The following ZNF385B variants were observed in gnomAD, a reference collection of about 807,000 sequenced individuals.
ZNF385B encodes zinc finger protein 385B.
A neutral mutation model predicts 39.2 loss-of-function variants in ZNF385B; 23 were observed. The observed-to-expected ratio is 0.59, with a 90% CI of 0.42 to 0.83. ZNF385B has a LOEUF of 0.83. Ranked by LOEUF, ZNF385B falls within the 40% of genes least tolerant of loss-of-function variation. The probability of loss-of-function intolerance (pLI) is 0.00; values close to 1 mark genes in which losing one functional copy is unlikely to be tolerated. For synonymous variants in ZNF385B, 205 were observed against 222.6 expected, an observed-to-expected ratio of 0.92 and a Z score of 0.70; for missense variants, 552 against 598.9, an observed-to-expected ratio of 0.92 and a Z score of 0.82.
intron 3 of ZNF385B, among the ~76,000 whole-genome samples, chr2:179,721,014 C>T (rs1700666463): frequency 1.3e-5 from 2 of 150,556 alleles, no homozygotes; most frequent in African/African-American, 2.4e-5. Context: ...AGTGATCCCC[C>T]CACTTCAGCC....
At chr2:179,748,274 C>A (rs559988188) in intron 3 of ZNF385B, among the ~76,000 whole-genome samples, 91 of 149,988 alleles carry the variant, frequency 6.1e-4, no homozygotes, top group African/African-American at 1.8e-3. Flanking sequence ...ATGACTGAAT[C>A]AAAAAAAAAT....
intron 3 of ZNF385B, among the ~76,000 whole-genome samples, chr2:179,755,719 T>A (rs916592487): frequency 6.6e-6 from 1 of 152,194 alleles, no homozygotes; most frequent in African/African-American, 2.4e-5. Context: ...TCTTTGTTGG[T>A]TTAAAGTCTG....
intron 1 of ZNF385B, among the ~76,000 whole-genome samples, chr2:179,829,544 T>C (rs973088776): frequency 3.3e-5 from 5 of 152,032 alleles, no homozygotes; most frequent in South Asian, 2.1e-4. Context: ...GACAGGGTCT[T>C]GCTCTGTCGC....
At chr2:179,642,424 C>T (rs556775574) in intron 3 of ZNF385B, among the ~76,000 whole-genome samples, 1 of 152,250 alleles carries the variant, frequency 6.6e-6, no homozygotes, top group Non-Finnish European at 1.5e-5. Flanking sequence ...ACTCCTTCAT[C>T]CATGTCCTCT....
intron 3 of ZNF385B, among the ~76,000 whole-genome samples, chr2:179,753,136 T>C (rs1702784464): frequency 1.3e-5 from 2 of 152,254 alleles, no homozygotes; most frequent in Non-Finnish European, 1.5e-5. Context: ...GGATCTAGTT[T>C]CAGCTTTCTA....
chr2:179,703,560 A>T (rs770038077), intron 3 of ZNF385B, among the ~76,000 whole-genome samples: 3 of 152,202 alleles, frequency 2.0e-5, no homozygotes, highest in African/African-American at 7.2e-5. Flanking sequence ...TCTGGCATAT[A>T]GTAGGTGCTC....
chr2:179,631,046 G>A (rs960950635), intron 3 of ZNF385B, among the ~76,000 whole-genome samples: 3 of 152,176 alleles, frequency 2.0e-5, no homozygotes, highest in African/African-American at 7.2e-5. Context: ...ACGTTTGATT[G>A]GTGTACCTAA....
intron 3 of ZNF385B, among the ~76,000 whole-genome samples, chr2:179,561,752 C>T (rs189869016): frequency 1.3e-5 from 2 of 152,170 alleles, no homozygotes; most frequent in African/African-American, 4.8e-5. Flanking sequence ...ACTCTTATAA[C>T]AGACAATACT....
intron 4 of ZNF385B, among the ~76,000 whole-genome samples, chr2:179,535,545 C>T (rs2059508396): frequency 6.6e-6 from 1 of 152,018 alleles, no homozygotes; most frequent in African/African-American, 2.4e-5. Context: ...GCAAAAAGGG[C>T]ACAACAATGA....
intron 6 of ZNF385B, among the ~76,000 whole-genome samples, chr2:179,451,901 T>C (rs1004466748): frequency 1.3e-5 from 2 of 152,146 alleles, no homozygotes; most frequent in African/African-American, 4.8e-5. Context: ...TTTGAAAGTT[T>C]AATTAATGTA....
At chr2:179,734,623 CTTA>C (rs763750834) in intron 3 of ZNF385B, among the ~76,000 whole-genome samples, 7 of 152,136 alleles carry the variant, frequency 4.6e-5, no homozygotes, top group Non-Finnish European at 1.0e-4. Flanking sequence ...AAGTCTATGA[CTTA>C]TTATCATATG....
intron 9 of ZNF385B, among the ~76,000 whole-genome samples, chr2:179,443,807 T>G (rs1174967200): frequency 6.6e-6 from 1 of 152,228 alleles, no homozygotes; most frequent in Non-Finnish European, 1.5e-5. Context: ...AATTCAGGCT[T>G]GTCTTAAACC....
intron 6 of ZNF385B, among the ~76,000 whole-genome samples, chr2:179,453,006 C>A (rs1479278685): frequency 1.3e-5 from 2 of 152,104 alleles, no homozygotes; most frequent in Admixed American, 6.6e-5. Flanking sequence ...GTATACATTA[C>A]TCTACACTAT....
At chr2:179,814,882 T>G (rs1380285494) in intron 1 of ZNF385B, among the ~76,000 whole-genome samples, 1 of 152,178 alleles carries the variant, frequency 6.6e-6, no homozygotes, top group Non-Finnish European at 1.5e-5. Context: ...AAAGGAAGAT[T>G]TTAAAAGTGT....
chr2:179,624,476 C>T (rs1397114947), intron 3 of ZNF385B, among the ~76,000 whole-genome samples: 1 of 152,198 alleles, frequency 6.6e-6, no homozygotes, highest in Non-Finnish European at 1.5e-5. Context: ...TAGTTTACTG[C>T]TAACTCAATT....
At chr2:179,759,761 T>C (rs1042972467) in intron 3 of ZNF385B, among the ~76,000 whole-genome samples, 5 of 152,010 alleles carry the variant, frequency 3.3e-5, no homozygotes, top group African/African-American at 1.2e-4. Flanking sequence ...TAGCATACCA[T>C]ATTGCAATTC....
In ZNF385B at chr2:179,839,961, C is replaced by T. The variant is rs184109223; in HGVS notation, c.-155+21140G>A. 2.0e-5 allele frequency among the ~76,000 whole-genome samples: 3 copies of T among 152,304 alleles called. No individual in the cohort carries two copies. The East Asian group carries it at 5.8e-4, about 29-fold the overall frequency. On this transcript the variant is annotated intron_variant, in intron 1 of 9. Coordinates refer to ENST00000410066, the MANE Select transcript of ZNF385B (RefSeq NM_152520.6). ...CCTCCCATCTCCCGCCAACATTTCTCATTAGCCAAACCCATTTTAAGTGTT... is the reference window on the plus strand; with the variant it reads ...CCTCCCATCTCCCGCCAACATTTCTTATTAGCCAAACCCATTTTAAGTGTT...
At chr2:179,705,184 CT>C (rs1699497994) in intron 3 of ZNF385B, among the ~76,000 whole-genome samples, 5 of 152,162 alleles carry the variant, frequency 3.3e-5, no homozygotes. Context: ...GCCTAGATCT[CT>C]GAAGGCATTG....
chr2:179,493,617 A>G (rs369994802), intron 5 of ZNF385B, among the ~76,000 whole-genome samples: 3,122 of 108,224 alleles, frequency 0.029, 363 homozygotes, highest in Admixed American at 0.059. Flanking sequence ...ATGTACGTAC[A>G]TATATGTATA....
Sources: gnomAD v4.1 joint callset for allele counts (sites outside exome capture counted in the v4.1 genomes callset) on GRCh38, gnomAD v4.1.1 for gene constraint, MANE v1.5 for transcripts, NCBI Gene and HGNC (gene_info 2026-07-23, HGNC 2026-07-21) for gene names.